Variants in RAB33A observed in about 807,000 individuals in gnomAD.
RAB33A encodes RAB33A, member RAS oncogene family, also known as ras-related protein Rab-33A.
Under a neutral mutation model 12.0 loss-of-function variants are expected in RAB33A, and 6 were observed. The observed-to-expected ratio is 0.50, with a 90% CI of 0.27 to 0.99. The LOEUF (loss-of-function observed/expected upper bound fraction) is 0.99. Ranked by LOEUF, RAB33A falls within the 50% of genes least tolerant of loss-of-function variation. The pLI is 0.11. For synonymous variants in RAB33A, 70 were observed against 82.4 expected, an observed-to-expected ratio of 0.85 and a Z score of 0.81; for missense variants, 109 against 192.0, an observed-to-expected ratio of 0.57 and a Z score of 2.55.
At chrX:130,145,419 C>T in the RAB33A span, 2 of 877,593 alleles carry the variant, frequency 2.3e-6, no homozygotes, top group Non-Finnish European at 3.4e-6. Flanking sequence ...ACACACATCA[C>T]CATACTGGCT....
chrX:130,110,873 C>A, the RAB33A span, among the ~76,000 whole-genome samples: 2 of 7,799 alleles, frequency 2.6e-4, no homozygotes, highest in African/African-American at 1.1e-3. Context: ...CCGAAACGAG[C>A]GAGCGAAAGG....
the RAB33A span, among the ~76,000 whole-genome samples, chrX:130,114,504 C>T: frequency 3.6e-5 from 4 of 112,442 alleles, no homozygotes; most frequent in Non-Finnish European, 5.6e-5. Context: ...ACTCTCCTGA[C>T]GACAGCCACA....
chrX:130,168,350 G>A (rs772663929), upstream of RAB33A, among the ~76,000 whole-genome samples: 1 of 109,112 alleles, frequency 9.2e-6, no homozygotes, highest in South Asian at 4.1e-4. Context: ...GAGTAGCTGG[G>A]ATTACAGGCA....
the RAB33A span, chrX:130,145,520 G>T: frequency 1.7e-6 from 2 of 1,210,708 alleles, no homozygotes; most frequent in Non-Finnish European, 2.2e-6. Flanking sequence ...TTCTCAATAT[G>T]AGGCAGGTCC....
At chrX:130,129,357 C>A in the RAB33A span, 1 of 450,267 alleles carries the variant, frequency 2.2e-6, no homozygotes, top group South Asian at 3.2e-5. Flanking sequence ...GACAAGAGAA[C>A]AGAATTTAAT....
At chrX:130,117,462 C>T in the RAB33A span, among the ~76,000 whole-genome samples, 1 of 111,599 alleles carries the variant, frequency 9.0e-6, no homozygotes, top group Non-Finnish European at 1.9e-5. Context: ...GGGGAGTGGG[C>T]CTGTTGTTTG....
At chrX:130,166,615 A>G in the RAB33A span, among the ~76,000 whole-genome samples, 1 of 112,618 alleles carries the variant, frequency 8.9e-6, no homozygotes, top group African/African-American at 3.2e-5. Flanking sequence ...AGAACATACA[A>G]TGTGCCTGTT....
chrX:130,161,573 G>T, the RAB33A span, among the ~76,000 whole-genome samples: 2 of 103,643 alleles, frequency 1.9e-5, no homozygotes, highest in East Asian at 6.0e-4. Flanking sequence ...GTAGATAAAT[G>T]ATTCTTTACA....
the RAB33A span, among the ~76,000 whole-genome samples, chrX:130,164,582 C>T: frequency 8.9e-6 from 1 of 111,872 alleles, no homozygotes; most frequent in Non-Finnish European, 1.9e-5. Context: ...GTGGATCATT[C>T]ATTGCCCCCA....
At chrX:130,132,057 A>G in the RAB33A span, among the ~76,000 whole-genome samples, 1 of 111,314 alleles carries the variant, frequency 9.0e-6, no homozygotes, top group African/African-American at 3.3e-5. Context: ...TTTTTAGTAG[A>G]GACGGGGTTT....
At chrX:130,154,625 T>C in the RAB33A span, among the ~76,000 whole-genome samples, 1 of 111,843 alleles carries the variant, frequency 8.9e-6, no homozygotes, top group Non-Finnish European at 1.9e-5. Flanking sequence ...AGGCTGTGGG[T>C]GGAAAGGTGG....
At chrX:130,133,305 A>G in the RAB33A span, 29 of 1,208,430 alleles carry the variant, frequency 2.4e-5, no homozygotes, top group Non-Finnish European at 3.2e-5. Flanking sequence ...AAGGCACACC[A>G]CTATTACCAG....
chrX:130,137,799 A>T, the RAB33A span: 1 of 948,872 alleles, frequency 1.1e-6, no homozygotes, highest in Non-Finnish European at 1.3e-6. Context: ...GCAGTGACTC[A>T]CACCTATAAT....
At chrX:130,182,208 CAA>C (rs1202476199) in intron 1 of RAB33A, among the ~76,000 whole-genome samples, 18 of 84,456 alleles carry the variant, frequency 2.1e-4, no homozygotes, top group African/African-American at 7.2e-4. Flanking sequence ...TATATACACA[CAA>C]TATATATAAC....
At chrX:130,150,092 A>G in the RAB33A span, among the ~76,000 whole-genome samples, 2 of 111,097 alleles carry the variant, frequency 1.8e-5, no homozygotes, top group South Asian at 7.5e-4. Context: ...AGAGTTACCC[A>G]TCATTCCCTC....
upstream of RAB33A, among the ~76,000 whole-genome samples, chrX:130,168,596 G>A (rs963725539): frequency 1.8e-5 from 2 of 111,081 alleles, no homozygotes; most frequent in Non-Finnish European, 3.8e-5. Context: ...TCATTACGTT[G>A]CCCAGGCTGG....
chrX:130,132,176 C>A, the RAB33A span, among the ~76,000 whole-genome samples: 1 of 111,961 alleles, frequency 8.9e-6, no homozygotes, highest in Admixed American at 9.5e-5. Flanking sequence ...CCGACCAACA[C>A]CGCACTCTTA....
chrX:130,172,414 C>T, intron 1 of RAB33A, 94 bp downstream of exon 1: 1 of 1,078,036 alleles, frequency 9.3e-7, no homozygotes, highest in Non-Finnish European at 1.2e-6. Context: ...CAGCGTCCAG[C>T]GCGTGGCGGT....
chrX:130,171,804 T>C (rs895229440), upstream of RAB33A: 6 of 383,352 alleles, frequency 1.6e-5, no homozygotes, highest in Non-Finnish European at 2.7e-5. Flanking sequence ...TCTCTCCTCC[T>C]CTCCCTGGCT....
Sources: allele counts gnomAD v4.1 joint callset (sites outside exome capture counted in the v4.1 genomes callset), GRCh38; gene constraint gnomAD v4.1.1; transcripts MANE v1.5; gene names NCBI Gene and HGNC (gene_info 2026-07-23, HGNC 2026-07-21).